The following ADORA2B variants were observed in gnomAD, a reference collection of about 807,000 sequenced individuals.
ADORA2B encodes adenosine receptor A2b.
A neutral mutation model predicts 20.8 loss-of-function variants in ADORA2B; 18 were observed. That is an observed-to-expected ratio of 0.87 (90% CI 0.60 to 1.29). The LOEUF (loss-of-function observed/expected upper bound fraction) is 1.29, where lower values mean the gene tolerates loss of function less well. Among genes scored for constraint, ADORA2B ranks in the 50% most tolerant of loss-of-function variants. ADORA2B has a pLI of 0.00. For synonymous variants in ADORA2B, 179 were observed against 178.3 expected, an observed-to-expected ratio of 1.00 and a Z score of -0.03; for missense variants, 441 against 422.7, an observed-to-expected ratio of 1.04 and a Z score of -0.38.
the ADORA2B span, among the ~76,000 whole-genome samples, chr17:15,868,508 C>T: frequency 7.2e-6 from 1 of 138,400 alleles, no homozygotes; most frequent in Non-Finnish European, 1.6e-5. Flanking sequence ...TGTGGTGGCT[C>T]ACGCCTGTAA....
At position 15,968,422 on chromosome 17, in the gene ADORA2B, C is replaced by T. The variant is rs571315222; in HGVS notation, c.336-6257C>T. Among the ~76,000 whole-genome samples the T allele has an allele frequency of 3.9e-5, 6 of 152,310 alleles. No individual in the cohort carries two copies. The East Asian group carries it at 1.2e-3, about 29-fold the overall frequency. On this transcript the variant is annotated intron_variant, in intron 1 of 1. Coordinates refer to ENST00000304222, the MANE Select transcript of ADORA2B (RefSeq NM_000676.4). ...ACTATACATACATACCATAACATCG[C>T]AGAGCACACTCCGCTTCCTACAGAG...
chr17:15,877,389 C>G, the ADORA2B span, among the ~76,000 whole-genome samples: 2 of 152,146 alleles, frequency 1.3e-5, no homozygotes, highest in Non-Finnish European at 2.9e-5. Flanking sequence ...CCTGTGTATG[C>G]GGCCTGCAAC....
intron 1 of ADORA2B, among the ~76,000 whole-genome samples, chr17:15,973,165 T>G (rs1416498868): frequency 6.6e-6 from 1 of 152,090 alleles, no homozygotes; most frequent in African/African-American, 2.4e-5. Context: ...TGTCTTGTGG[T>G]GTTTGTGGGA....
In ADORA2B at chr17:15,966,080, G is replaced by T. The variant is rs568891531; in HGVS notation, c.336-8599G>T. Among the ~76,000 whole-genome samples the T allele has an allele frequency of 1.1e-4, 17 of 152,294 alleles. No individual in the cohort carries two copies. In the South Asian group the frequency reaches 3.1e-3, roughly 28 times the overall value. On this transcript the variant is annotated intron_variant, in intron 1 of 1. Transcript: ENST00000304222. ...TTCACAGAAGTCCTGTTAATATGTG[G>T]AATAAGATAACATGAGGTTTTCTAA...
chr17:15,883,738 A>G, the ADORA2B span, among the ~76,000 whole-genome samples: 49,962 of 152,118 alleles, frequency 0.33, 8,905 homozygotes, highest in African/African-American at 0.46. Context: ...ATTTGGCAGA[A>G]TCCGTCAAAA....
At chr17:15,871,934 A>T in the ADORA2B span, among the ~76,000 whole-genome samples, 172 of 152,198 alleles carry the variant, frequency 1.1e-3, 1 homozygote, top group Middle Eastern at 3.4e-3. Context: ...TGGGCTTTTT[A>T]TTGAGCCTTA....
At chr17:15,870,953 C>A in the ADORA2B span, among the ~76,000 whole-genome samples, 12,645 of 152,244 alleles carry the variant, frequency 0.083, 1,469 homozygotes, top group African/African-American at 0.26. Context: ...GCTTCTGTGC[C>A]GTTTCTGACA....
chr17:15,926,844 A>G, the ADORA2B span, among the ~76,000 whole-genome samples: 18 of 152,098 alleles, frequency 1.2e-4, no homozygotes, highest in African/African-American at 3.9e-4. Flanking sequence ...GGTAGTGTCT[A>G]CCTGTGGTCT....
the ADORA2B span, among the ~76,000 whole-genome samples, chr17:15,938,924 A>G: frequency 6.6e-6 from 1 of 151,982 alleles, no homozygotes; most frequent in Non-Finnish European, 1.5e-5. Flanking sequence ...TACCTCCCTT[A>G]TTTGTTTAGT....
chr17:15,969,407 C>T (rs891718289), intron 1 of ADORA2B, among the ~76,000 whole-genome samples: 4 of 152,052 alleles, frequency 2.6e-5, no homozygotes, highest in Non-Finnish European at 4.4e-5. Flanking sequence ...TGAGCTGAGA[C>T]GCGCCATTGC....
chr17:15,923,561 C>T, the ADORA2B span, among the ~76,000 whole-genome samples: 7 of 151,742 alleles, frequency 4.6e-5, no homozygotes, highest in South Asian at 1.3e-3. Flanking sequence ...CCCACCACCA[C>T]GCCCGACTAA....
the ADORA2B span, among the ~76,000 whole-genome samples, chr17:15,939,333 G>T: frequency 6.6e-6 from 1 of 152,098 alleles, no homozygotes; most frequent in South Asian, 2.1e-4. Context: ...GAGCCACAGC[G>T]CCCGGCTGCT....
chr17:15,957,982 C>T (rs931472510), intron 1 of ADORA2B, among the ~76,000 whole-genome samples: 3 of 151,282 alleles, frequency 2.0e-5, no homozygotes, highest in Admixed American at 6.6e-5. Flanking sequence ...CTTTATTGAA[C>T]GACATTGTAG....
chr17:15,945,622 G>A (rs1213570320), intron 1 of ADORA2B, 39 bp downstream of exon 1: 2 of 1,437,500 alleles, frequency 1.4e-6, no homozygotes, highest in Admixed American at 2.6e-5. Flanking sequence ...GGGCCCCGTC[G>A]GAGCTCCGAA....
the ADORA2B span, among the ~76,000 whole-genome samples, chr17:15,927,530 C>T: frequency 3.9e-5 from 6 of 152,032 alleles, no homozygotes; most frequent in Admixed American, 6.6e-5. Flanking sequence ...GCCTGTAATC[C>T]CAGCTACTTG....
At chr17:15,910,247 C>G in the ADORA2B span, among the ~76,000 whole-genome samples, 1 of 152,138 alleles carries the variant, frequency 6.6e-6, no homozygotes. Context: ...CCATGACTTG[C>G]AGGCCACATG....
the ADORA2B span, among the ~76,000 whole-genome samples, chr17:15,869,675 A>G: frequency 1.6e-4 from 25 of 152,326 alleles, no homozygotes; most frequent in South Asian, 8.3e-4. Flanking sequence ...TGAGCTGGGC[A>G]CAATCCACAG....
the ADORA2B span, among the ~76,000 whole-genome samples, chr17:15,867,780 C>T: frequency 6.7e-6 from 1 of 150,138 alleles, no homozygotes; most frequent in Non-Finnish European, 1.5e-5. Context: ...GCCAGCCGCC[C>T]CGTCCGGGAG....
At chr17:15,940,421 C>T (rs1030927487), upstream of ADORA2B, among the ~76,000 whole-genome samples, 56 of 152,302 alleles carry the variant, frequency 3.7e-4, no homozygotes, top group African/African-American at 1.3e-3. Flanking sequence ...AGAAGTAGAA[C>T]GTTGAGGTAC....
Sources: allele counts gnomAD v4.1 joint callset (sites outside exome capture counted in the v4.1 genomes callset), GRCh38; gene constraint gnomAD v4.1.1; transcripts MANE v1.5; gene names NCBI Gene and HGNC (gene_info 2026-07-23, HGNC 2026-07-21).